The following GPR39 variants were observed in gnomAD, a reference collection of about 807,000 sequenced individuals.
GPR39 encodes the protein G protein-coupled receptor 39.
Under a neutral mutation model 18.4 loss-of-function variants are expected in GPR39, and 23 were observed. The ratio of observed to expected loss-of-function variants is 1.25; its 90% confidence interval spans 0.90 to 1.77. The LOEUF is 1.77. Ranked by LOEUF, GPR39 falls within the 40% of genes most tolerant of loss-of-function variation. The pLI is 0.00. For synonymous variants in GPR39, 280 were observed against 257.9 expected (o/e 1.09, Z -0.82); for missense variants, 647 against 602.4 (o/e 1.07, Z -0.78).
At chr2:132,434,590 C>T (rs1680279299) in intron 1 of GPR39, among the ~76,000 whole-genome samples, 1 of 152,120 alleles carries the variant, frequency 6.6e-6, no homozygotes, top group East Asian at 1.9e-4. Flanking sequence ...GCCATAAAGA[C>T]CTTTAAGTCT....
At chr2:132,592,799 T>C (rs1385439862) in intron 1 of GPR39, among the ~76,000 whole-genome samples, 2 of 152,176 alleles carry the variant, frequency 1.3e-5, no homozygotes, top group Non-Finnish European at 1.5e-5. Context: ...ATTGATTGGA[T>C]GCAGAATGTG....
chr2:132,469,551 T>G (rs1311050664), intron 1 of GPR39, among the ~76,000 whole-genome samples: 1 of 152,196 alleles, frequency 6.6e-6, no homozygotes, highest in East Asian at 1.9e-4. Context: ...GTCCTTTGGC[T>G]TTAATGAGAC....
At chr2:132,577,261 G>T (rs1680545559) in intron 1 of GPR39, among the ~76,000 whole-genome samples, 1 of 152,100 alleles carries the variant, frequency 6.6e-6, no homozygotes, top group Admixed American at 6.6e-5. Context: ...GGAGACTGAG[G>T]TGGGAGGATT....
intron 1 of GPR39, among the ~76,000 whole-genome samples, chr2:132,547,064 C>G (rs1480143181): frequency 1.3e-5 from 2 of 151,952 alleles, no homozygotes; most frequent in Non-Finnish European, 2.9e-5. Flanking sequence ...CTCCAGCAAG[C>G]CGCACCGACA....
intron 1 of GPR39, among the ~76,000 whole-genome samples, chr2:132,483,674 T>A (rs1460148339): frequency 6.6e-6 from 1 of 152,200 alleles, no homozygotes; most frequent in African/African-American, 2.4e-5. Context: ...CAGTTGCTTT[T>A]CAGTTTGTTC....
intron 1 of GPR39, among the ~76,000 whole-genome samples, chr2:132,571,985 A>G (rs1456482448): frequency 1.3e-5 from 2 of 152,154 alleles, no homozygotes; most frequent in Non-Finnish European, 2.9e-5. Context: ...GGCAAGCTAC[A>G]AAAGCGCGTG....
At chr2:132,621,151 C>A (rs1022148158) in intron 1 of GPR39, among the ~76,000 whole-genome samples, 3 of 152,270 alleles carry the variant, frequency 2.0e-5, no homozygotes, top group Admixed American at 6.5e-5. Flanking sequence ...GCAGCTGCTT[C>A]CCTGGCTTCA....
chr2:132,498,614 G>A (rs1045649705), intron 1 of GPR39, among the ~76,000 whole-genome samples: 2 of 152,092 alleles, frequency 1.3e-5, no homozygotes, highest in African/African-American at 4.8e-5. Context: ...TGGATCAAAC[G>A]GTTGACCTAC....
intron 1 of GPR39, among the ~76,000 whole-genome samples, chr2:132,596,360 T>A (rs1024273535): frequency 3.3e-5 from 5 of 152,172 alleles, no homozygotes; most frequent in Non-Finnish European, 7.3e-5. Flanking sequence ...CTCTTTGTTT[T>A]GCAATGCCTC....
At chr2:132,468,196 C>A (rs1455768287) in intron 1 of GPR39, among the ~76,000 whole-genome samples, 4 of 152,126 alleles carry the variant, frequency 2.6e-5, no homozygotes, top group Non-Finnish European at 5.9e-5. Context: ...ATTTCAAGTA[C>A]CTGTGGTTTC....
At chr2:132,539,291 G>A (rs992743361) in intron 1 of GPR39, among the ~76,000 whole-genome samples, 1 of 152,144 alleles carries the variant, frequency 6.6e-6, no homozygotes, top group South Asian at 2.1e-4. Flanking sequence ...CCTTGGCTGC[G>A]GGAGGGAGGT....
intron 1 of GPR39, among the ~76,000 whole-genome samples, chr2:132,633,338 C>CTGTGTGTGTGTG (rs55722602): frequency 2.3e-4 from 32 of 139,196 alleles, no homozygotes; most frequent in African/African-American, 6.3e-4. Flanking sequence ...CCAAATACCT[C>CTGTGTGTGTGTG]TGTGTGTGTG....
intron 1 of GPR39, among the ~76,000 whole-genome samples, chr2:132,562,734 CA>C (rs1445675641): frequency 6.6e-6 from 1 of 152,000 alleles, no homozygotes; most frequent in African/African-American, 2.4e-5. Context: ...ATTTACAAAG[CA>C]GCAAAACCCA....
At chr2:132,479,355 C>G (rs1681189222) in intron 1 of GPR39, among the ~76,000 whole-genome samples, 1 of 152,172 alleles carries the variant, frequency 6.6e-6, no homozygotes, top group South Asian at 2.1e-4. Context: ...GCTGTGAAAA[C>G]AAAGCACTCC....
intron 1 of GPR39, among the ~76,000 whole-genome samples, chr2:132,583,357 C>A (rs185701016): frequency 4.7e-5 from 7 of 149,842 alleles, no homozygotes; most frequent in Admixed American, 6.7e-5. Flanking sequence ...TAAGTGAGAT[C>A]CCCCCAACAA....
intron 1 of GPR39, among the ~76,000 whole-genome samples, chr2:132,540,750 G>A (rs967017622): frequency 1.3e-5 from 2 of 149,896 alleles, no homozygotes; most frequent in Non-Finnish European, 2.9e-5. Context: ...TGAAATGTCA[G>A]CTGAGAGCTG....
intron 1 of GPR39, among the ~76,000 whole-genome samples, chr2:132,469,270 A>G (rs1680986789): frequency 6.6e-6 from 1 of 152,170 alleles, no homozygotes. Flanking sequence ...GACAGATCCT[A>G]TTCAAGCTAA....
intron 1 of GPR39, among the ~76,000 whole-genome samples, chr2:132,468,210 A>G (rs1192715276): frequency 6.6e-6 from 1 of 152,180 alleles, no homozygotes; most frequent in Non-Finnish European, 1.5e-5. Flanking sequence ...TGGTTTCACT[A>G]TGTGTATATA....
chr2:132,480,962 G>A (rs753261940), intron 1 of GPR39, among the ~76,000 whole-genome samples: 10 of 152,220 alleles, frequency 6.6e-5, no homozygotes, highest in Non-Finnish European at 1.5e-4. Flanking sequence ...TCAAGAGTTC[G>A]TTCACTGAAT....
Sources: allele counts gnomAD v4.1 joint callset (sites outside exome capture counted in the v4.1 genomes callset), GRCh38; gene constraint gnomAD v4.1.1; transcripts MANE v1.5; gene names NCBI Gene and HGNC (gene_info 2026-07-23, HGNC 2026-07-21).